Variants in DOCK3 observed in about 807,000 individuals in gnomAD.
DOCK3 encodes dedicator of cytokinesis protein 3.
In DOCK3, 60 loss-of-function variants were observed where a neutral mutation model predicts 265.6. That is an observed-to-expected ratio of 0.23 (90% CI 0.18 to 0.28). The LOEUF (loss-of-function observed/expected upper bound fraction) is 0.28, where lower values mean the gene tolerates loss of function less well. Among genes scored for constraint, DOCK3 ranks in the 10% least tolerant of loss-of-function variants. DOCK3 has a pLI of 1.00. For missense variants in DOCK3, 1,981 were observed against 2,594.3 expected (o/e 0.76, Z 5.14); for synonymous variants, 881 against 938.0 (o/e 0.94, Z 1.11).
chr3:51,178,228 G>T (rs2087077835), intron 12 of DOCK3, among the ~76,000 whole-genome samples: 1 of 152,112 alleles, frequency 6.6e-6, no homozygotes, highest in Non-Finnish European at 1.5e-5. Context: ...GAGTATCAGG[G>T]TTTGATGGAA....
chr3:50,996,948 G>A (rs928235806), intron 5 of DOCK3, among the ~76,000 whole-genome samples: 1 of 152,118 alleles, frequency 6.6e-6, no homozygotes, highest in Non-Finnish European at 1.5e-5. Flanking sequence ...TGCTTATGCT[G>A]CTTCTGCTAT....
intron 12 of DOCK3, among the ~76,000 whole-genome samples, chr3:51,161,769 G>T (rs1450755234): frequency 6.6e-6 from 1 of 152,162 alleles, no homozygotes; most frequent in Non-Finnish European, 1.5e-5. Context: ...TTAAAAGAAT[G>T]ATCATGAGTC....
intron 8 of DOCK3, 102 bp from the exon 9 acceptor site, chr3:51,090,128 T>C: frequency 8.1e-7 from 1 of 1,234,000 alleles, no homozygotes; most frequent in Non-Finnish European, 1.1e-6. Flanking sequence ...ATAATCTCCT[T>C]CAGTAGTGTG....
chr3:51,193,643 A>G (rs533098777), intron 12 of DOCK3, among the ~76,000 whole-genome samples: 111 of 151,786 alleles, frequency 7.3e-4, no homozygotes, highest in African/African-American at 2.6e-3. Context: ...TTCAATCTTG[A>G]TAGGTTGTAT....
intron 26 of DOCK3, among the ~76,000 whole-genome samples, chr3:51,278,846 T>C (rs966744103): frequency 5.9e-5 from 9 of 152,228 alleles, no homozygotes; most frequent in Non-Finnish European, 1.2e-4. Context: ...TAATGCTTTA[T>C]GTACATTAAC....
At position 50,676,693 on chromosome 3, in the gene DOCK3, G is replaced by A. The variant is rs567754115; in HGVS notation, c.37+1393G>A. ...CCCCATGATTGATTTTTTTGGAGGG[G>A]GGAGGAGCCCTATTTTGGCGGGGGT... On this transcript the variant is annotated intron_variant, in intron 1 of 52. Coordinates refer to ENST00000266037, the MANE Select transcript of DOCK3 (RefSeq NM_004947.5). Among the ~76,000 whole-genome samples, 15 of 151,070 alleles carry A rather than the reference G, an allele frequency of 9.9e-5. 1 individual carries two copies. The East Asian group carries it at 2.9e-3, about 29-fold the overall frequency.
intron 2 of DOCK3, among the ~76,000 whole-genome samples, chr3:50,832,782 G>A (rs2045265172): frequency 6.6e-6 from 1 of 152,148 alleles, no homozygotes; most frequent in Non-Finnish European, 1.5e-5. Flanking sequence ...TCTTCAGGCT[G>A]AATAGGGGTG....
intron 40 of DOCK3, among the ~76,000 whole-genome samples, chr3:51,350,594 G>A (rs2085911977): frequency 6.6e-6 from 1 of 152,126 alleles, no homozygotes; most frequent in Non-Finnish European, 1.5e-5. Context: ...CTGTTATTCT[G>A]TAGCTACCAG....
chr3:50,755,032 T>G (rs2040075469), intron 1 of DOCK3, among the ~76,000 whole-genome samples: 1 of 152,242 alleles, frequency 6.6e-6, no homozygotes, highest in Admixed American at 6.5e-5. Context: ...CAAAACCATT[T>G]AGTATTTGAT....
intron 5 of DOCK3, among the ~76,000 whole-genome samples, chr3:50,979,097 AC>A (rs1329957114): frequency 6.6e-6 from 1 of 151,630 alleles, no homozygotes; most frequent in Non-Finnish European, 1.5e-5. Context: ...TGCAGAAATC[AC>A]CCGTCTTCTG....
intron 5 of DOCK3, among the ~76,000 whole-genome samples, chr3:50,939,138 T>C (rs2108221723): frequency 6.6e-6 from 1 of 151,982 alleles, no homozygotes; most frequent in East Asian, 1.9e-4. Context: ...AAAAAGAAAA[T>C]ACTGTAAACA....
intron 12 of DOCK3, among the ~76,000 whole-genome samples, chr3:51,194,522 T>C (rs541421494): frequency 6.8e-4 from 103 of 152,326 alleles, no homozygotes; most frequent in Middle Eastern, 3.4e-3. Flanking sequence ...CCAACTATTA[T>C]TGTTTTGCAG....
At chr3:50,902,006 G>A (rs895366602) in intron 4 of DOCK3, among the ~76,000 whole-genome samples, 36 of 152,194 alleles carry the variant, frequency 2.4e-4, no homozygotes, top group Admixed American at 2.3e-3. Context: ...ATGTGTTGTT[G>A]GCTCCTTGAA....
At chr3:51,163,124 T>C (rs1462864623) in intron 12 of DOCK3, among the ~76,000 whole-genome samples, 2 of 152,252 alleles carry the variant, frequency 1.3e-5, no homozygotes, top group African/African-American at 4.8e-5. Flanking sequence ...TTAGATTGAA[T>C]TGGAAGCTTA....
chr3:51,338,315 G>A, intron 35 of DOCK3, 44 bp from the exon 36 acceptor site: 1 of 1,549,426 alleles, frequency 6.5e-7, no homozygotes, highest in Non-Finnish European at 8.7e-7. Context: ...GTTGTCTCAA[G>A]GCCCCACTTC....
chr3:51,046,441 CTA>C (rs1449064893), intron 5 of DOCK3, among the ~76,000 whole-genome samples: 1 of 152,028 alleles, frequency 6.6e-6, no homozygotes, highest in African/African-American at 2.4e-5. Flanking sequence ...AGGTAGCTAG[CTA>C]TATGTGTATC....
At chr3:51,103,236 A>G (rs1035235541) in intron 9 of DOCK3, among the ~76,000 whole-genome samples, 9 of 152,228 alleles carry the variant, frequency 5.9e-5, no homozygotes, top group Non-Finnish European at 1.0e-4. Context: ...TACTAAACCA[A>G]TGGTGGTGCA....
At chr3:50,755,944 G>T (rs2040134245) in intron 1 of DOCK3, among the ~76,000 whole-genome samples, 1 of 152,224 alleles carries the variant, frequency 6.6e-6, no homozygotes, top group South Asian at 2.1e-4. Flanking sequence ...GCAAGTTTTA[G>T]AACGGTAGTG....
chr3:51,174,471 A>AAAAT (rs372524349), intron 12 of DOCK3, among the ~76,000 whole-genome samples: 20,378 of 150,150 alleles, frequency 0.14, 2,276 homozygotes, highest in African/African-American at 0.31. Flanking sequence ...TCTTGTCTCA[A>AAAAT]AAATAAATAA....
Sources: allele counts gnomAD v4.1 joint callset (sites outside exome capture counted in the v4.1 genomes callset), GRCh38; gene constraint gnomAD v4.1.1; transcripts MANE v1.5; gene names NCBI Gene and HGNC (gene_info 2026-07-23, HGNC 2026-07-21).